Variants in CD83 observed in about 807,000 individuals in gnomAD.
The protein encoded by CD83 is CD83 antigen.
CD83 carries 22 observed loss-of-function variants against 24.6 expected under a neutral mutation model. The ratio of observed to expected loss-of-function variants is 0.90; its 90% CI spans 0.64 to 1.28. CD83 has a LOEUF of 1.28. Ranked by LOEUF, CD83 falls within the 50% of genes most tolerant of loss-of-function variation. CD83 has a pLI of 0.00. For synonymous variants in CD83, 101 were observed against 103.5 expected (o/e 0.98, Z 0.14); for missense variants, 253 against 252.8 (o/e 1.00, Z -0.01).
rs541955650 is a variant in CD83 at position 14,124,710 on chromosome 6, A to G, written c.153+6645A>G. On this transcript the variant is annotated intron_variant, in intron 2 of 4. Coordinates refer to ENST00000379153, the MANE Select transcript of CD83 (RefSeq NM_004233.4). Reference sequence around the variant, plus strand: ...TCAAAACTAGCCTAAAGAGAAGGAAATATATTGGCTTATATATAATTGGAA... The same window carrying G: ...TCAAAACTAGCCTAAAGAGAAGGAAGTATATTGGCTTATATATAATTGGAA... Among the ~76,000 whole-genome samples the G allele has an allele frequency of 4.5e-4, 68 of 152,324 alleles. 1 individual carries two copies. Among genetic ancestry groups the G allele is most frequent in the Admixed American group, 3.3e-3 (51 of 15,306 alleles).
intron 3 of CD83, 142 bp downstream of exon 3, chr6:14,131,890 G>A (rs988707272): frequency 2.9e-5 from 18 of 626,844 alleles, no homozygotes; most frequent in Non-Finnish European, 4.3e-5. Flanking sequence ...TCCGCTGCAA[G>A]CATGTCACCA....
chr6:14,120,816 C>T (rs890441485), intron 2 of CD83, among the ~76,000 whole-genome samples: 4 of 152,204 alleles, frequency 2.6e-5, no homozygotes, highest in African/African-American at 9.7e-5. Flanking sequence ...TTATCATATG[C>T]CTTTGACCAG....
chr6:14,133,588 T>C (rs966990273), intron 3 of CD83, 61 bp from the exon 4 acceptor site: 3 of 1,168,220 alleles, frequency 2.6e-6, no homozygotes, highest in Middle Eastern at 2.0e-4. Context: ...CATTCTTAGC[T>C]TTTTTTCATG....
chr6:14,124,195 C>A (rs1284825454), intron 2 of CD83, among the ~76,000 whole-genome samples: 1 of 152,164 alleles, frequency 6.6e-6, no homozygotes, highest in African/African-American at 2.4e-5. Context: ...GACTTGGGAG[C>A]CCAAGGCTTG....
At chr6:14,132,111 G>A (rs889235020) in intron 3 of CD83, among the ~76,000 whole-genome samples, 6 of 152,230 alleles carry the variant, frequency 3.9e-5, no homozygotes, top group Admixed American at 1.3e-4. Flanking sequence ...TAAGGGGGCA[G>A]TGTGTGCTTT....
intron 2 of CD83, among the ~76,000 whole-genome samples, chr6:14,127,152 C>T (rs1759837690): frequency 6.6e-6 from 1 of 152,090 alleles, no homozygotes; most frequent in African/African-American, 2.4e-5. Flanking sequence ...CCACGCCCAG[C>T]TAATATTTTG....
At position 14,117,953 on chromosome 6, in the gene CD83, A is replaced by G; in HGVS notation, c.41A>G (p.Tyr14Cys). 2 of 1,607,600 alleles carry G rather than the reference A, an allele frequency of 1.2e-6. No individual in the cohort carries two copies. The highest frequency in any genetic ancestry group is 1.3e-5 in the African/African-American group (1 of 74,704). Residue 14 changes from tyrosine (Y) to cysteine (C), a missense_variant, in exon 2 of 5, where the codon TAC becomes TGC. Tyr to Cys is a radical substitution (Grantham distance 194, BLOSUM62 -2). Transcript: ENST00000379153. This position sits in a 1 kb window ranked among gnomAD's most constrained non-coding sequence, Gnocchi z 4.6. ...ACGCGCTCTCTCTTTCTTGTAGCCT[A>G]CAGCCTGGCTCCCGCGACGCCGGAG... ...GLQLLLLSCA[Y>C]SLAPATPEVK... is the part of the protein sequence containing the mutation.
chr6:14,131,666 C>A lies in CD83; in HGVS notation c.300C>A (p.Cys100Ter). ...YSLKIRNTTS[C>*]NSGTYRCTLQ... is the part of the protein sequence containing the mutation. ...TGAAGATCCGAAACACTACCAGCTG[C>A]AACTCGGGGACATACAGGTGCACTC... Residue 100 changes from cysteine (C) to a stop codon, truncating the protein, a stop_gained, in exon 3 of 5, where the codon TGC becomes TGA. Transcript: ENST00000379153. LOFTEE classifies it high-confidence loss of function. 2 of 1,614,170 alleles carry A rather than the reference C, an allele frequency of 1.2e-6. No individual in the cohort carries two copies. Among genetic ancestry groups the A allele is most frequent in the Non-Finnish European group, 1.7e-6 (2 of 1,180,034 alleles).
chr6:14,121,040 C>T lies in CD83; in HGVS notation c.153+2975C>T, dbSNP rs1362382890. Among the ~76,000 whole-genome samples the T allele has an allele frequency of 7.9e-5, 12 of 152,214 alleles. No homozygotes were observed. In the East Asian group the frequency reaches 2.3e-3, roughly 29 times the overall value. On this transcript the variant is annotated intron_variant, in intron 2 of 4. Coordinates refer to ENST00000379153, the MANE Select transcript of CD83 (RefSeq NM_004233.4). ...TCTTCTCTTCTATGGACCATGTCCT[C>T]TTAACTGGGATCCAACAAAGGGTCC...
intron 2 of CD83, among the ~76,000 whole-genome samples, chr6:14,124,669 G>A (rs1230859941): frequency 6.6e-6 from 1 of 152,068 alleles, no homozygotes; most frequent in Non-Finnish European, 1.5e-5. Context: ...TCAGTTGTGA[G>A]GGATTGTAAA....
In CD83 at chr6:14,133,737, A is replaced by G. The variant is rs757715128; in HGVS notation, c.471A>G (p.Thr157=). The G allele has an allele frequency of 1.2e-6, 2 of 1,608,802 alleles. No individual in the cohort carries two copies. The highest frequency in any genetic ancestry group is 1.1e-5 in the South Asian group (1 of 90,922). ...LLLALVIFYL[T]LIIFTCKFAR... is the part of the protein sequence containing the mutation. ...TGGCTCTGGTTATTTTCTACTTAAC[A>G]CTCATCATTTTCACTTGTGTAAGTA... Residue 157 remains threonine, a synonymous_variant, in exon 4 of 5, where the codon ACA becomes ACG. Transcript: ENST00000379153.
rs1318542768 is a variant in CD83 at position 14,136,685 on chromosome 6, G to A, written c.*1449G>A. ...AAACGTATGCATGTGAAGAAAGGGT[G>A]TTTTTCTGTTTTATATTCAACTCAT... On this transcript the variant is annotated 3_prime_UTR_variant, in exon 5 of 5. Transcript: ENST00000379153. 1 of 152,102 alleles carries A rather than the reference G, an allele frequency of 6.6e-6. No homozygotes were observed. Among genetic ancestry groups the A allele is most frequent in the Non-Finnish European group, 1.5e-5 (1 of 68,014 alleles). 9.4% of individuals were successfully genotyped at this position (152,102 alleles called of 1,614,324 possible). A position where few individuals can be genotyped will look rare whatever the true frequency, so the allele number is the denominator to read the frequency against.
At chr6:14,118,304 G>C (rs1377072686) in intron 2 of CD83, among the ~76,000 whole-genome samples, 1 of 151,670 alleles carries the variant, frequency 6.6e-6, no homozygotes, top group Non-Finnish European at 1.5e-5. Flanking sequence ...TGTCACTGAA[G>C]GTGGCCTGAG....
chr6:14,119,334 A>C (rs2113384634), intron 2 of CD83, among the ~76,000 whole-genome samples: 1 of 152,364 alleles, frequency 6.6e-6, no homozygotes, highest in African/African-American at 2.4e-5. Context: ...GTGGGATCAG[A>C]GAACACAACA....
chr6:14,117,874 C>T lies in CD83; in HGVS notation c.37+26C>T, dbSNP rs1467127148. The T allele has an allele frequency of 1.9e-6, 3 of 1,576,558 alleles. No individual in the cohort carries two copies. Among genetic ancestry groups the T allele is most frequent in the Middle Eastern group, 1.7e-4 (1 of 6,014 alleles). On this transcript the variant is annotated intron_variant, in intron 1 of 4. Coordinates refer to ENST00000379153, the MANE Select transcript of CD83 (RefSeq NM_004233.4). This position sits in a 1 kb window ranked among gnomAD's most constrained non-coding sequence, Gnocchi z 4.6. ...GTAGGGCTCGCGAGCGCCTGTCTCG[C>T]CTGTCGCCCCCCGCCCCTCCACGAC...
At chr6:14,117,568 C>A (rs1392557225), upstream of CD83, 17 of 132,016 alleles carry the variant, frequency 1.3e-4, no homozygotes, top group Non-Finnish European at 2.3e-4. The surrounding 1 kb of genome is among the most constrained non-coding windows in gnomAD (Gnocchi z 4.6). Flanking sequence ...GGGACGCGCA[C>A]GCGGCGAGGG....
At position 14,133,854 on chromosome 6, in the gene CD83, A is replaced by C. The variant is rs1010652302; in HGVS notation, c.489+99A>C. On this transcript the variant is annotated intron_variant, in intron 4 of 4. Transcript: ENST00000379153. ...TAGTGCGAATCATTTAATAATGGTGAGAGAGATTATTCTTTGAACCCTGGA... is the reference window on the plus strand; with the variant it reads ...TAGTGCGAATCATTTAATAATGGTGCGAGAGATTATTCTTTGAACCCTGGA... 61 of 727,942 alleles carry C rather than the reference A, an allele frequency of 8.4e-5. No individual in the cohort carries two copies. The African/African-American group carries it at 9.1e-4, about 11-fold the overall frequency. 45.1% of individuals were successfully genotyped at this position (727,942 alleles called of 1,614,324 possible). A position where few individuals can be genotyped will look rare whatever the true frequency, so the allele number is the denominator to read the frequency against.
intron 2 of CD83, among the ~76,000 whole-genome samples, chr6:14,124,964 C>T (rs952301772): frequency 6.6e-6 from 1 of 152,188 alleles, no homozygotes; most frequent in Non-Finnish European, 1.5e-5. Flanking sequence ...GGAGAAAACA[C>T]ACACTGACAC....
chr6:14,122,905 C>G (rs1364558546), intron 2 of CD83, among the ~76,000 whole-genome samples: 1 of 152,216 alleles, frequency 6.6e-6, no homozygotes, highest in Non-Finnish European at 1.5e-5. Flanking sequence ...TCCACTAAGA[C>G]TTTTTGGGAA....
Sources: gnomAD v4.1 joint callset for allele counts (sites outside exome capture counted in the v4.1 genomes callset) on GRCh38, gnomAD v4.1.1 for gene constraint, Gnocchi (gnomAD v3.1) non-coding constraint, MANE v1.5 for transcripts, NCBI Gene and HGNC (gene_info 2026-07-23, HGNC 2026-07-21) for gene names.